The following TDRD3 variants were observed in gnomAD, a reference collection of about 807,000 sequenced individuals.
TDRD3 encodes tudor domain containing 3.
TDRD3 carries 45 observed loss-of-function variants against 86.7 expected under a neutral mutation model. The observed-to-expected ratio is 0.52, with a 90% CI of 0.41 to 0.67. TDRD3 has a LOEUF of 0.67. TDRD3 is among the 30% of genes least tolerant of loss of function. TDRD3 has a pLI of 0.00. For synonymous variants in TDRD3, 298 were observed against 301.7 expected (o/e 0.99, Z 0.13); for missense variants, 814 against 889.0 (o/e 0.92, Z 1.07).
intron 3 of TDRD3, among the ~76,000 whole-genome samples, chr13:60,459,107 T>G (rs1411780457): frequency 6.6e-6 from 1 of 152,236 alleles, no homozygotes; most frequent in Non-Finnish European, 1.5e-5. Context: ...ATAACAAAAT[T>G]ACTCCTTTTT....
rs114150664 is a variant in TDRD3 at position 60,484,284 on chromosome 13, T to C, written c.567+438T>C. Among the ~76,000 whole-genome samples the C allele has an allele frequency of 4.5e-3, 687 of 152,280 alleles. 5 individuals carry two copies. Among genetic ancestry groups the C allele is most frequent in the African/African-American group, 0.016 (664 of 41,566 alleles). On this transcript the variant is annotated intron_variant, in intron 6 of 13. Transcript: ENST00000377881. The stretch of plus-strand genomic sequence containing the variant: ...CTGACCAGTATCTTGTGACTTCACT[T>C]GTCTTCAGCATCAAATTGATTCTCA...
At chr13:60,434,245 G>A (rs930393665) in intron 1 of TDRD3, among the ~76,000 whole-genome samples, 6 of 151,986 alleles carry the variant, frequency 3.9e-5, no homozygotes, top group African/African-American at 1.4e-4. Context: ...CGAGGTGGGC[G>A]GATTGTTGGA....
chr13:60,526,539 G>A (rs994087884), intron 10 of TDRD3, among the ~76,000 whole-genome samples: 1 of 149,982 alleles, frequency 6.7e-6, no homozygotes, highest in Non-Finnish European at 1.5e-5. Flanking sequence ...TCTCTCTAAA[G>A]AAAAATTTAA....
chr13:60,528,224 G>A (rs1258955562), intron 10 of TDRD3, 143 bp from the exon 11 acceptor site: 5 of 926,246 alleles, frequency 5.4e-6, no homozygotes, highest in African/African-American at 3.4e-5. Flanking sequence ...CAAAGAAGGA[G>A]TAAGATAATG....
At chr13:60,430,646 A>G (rs897020022) in intron 1 of TDRD3, among the ~76,000 whole-genome samples, 2 of 152,150 alleles carry the variant, frequency 1.3e-5, no homozygotes, top group Admixed American at 6.6e-5. Flanking sequence ...CAACATAGTT[A>G]GGTTACCATT....
At chr13:60,493,743 G>A (rs1234016657) in intron 7 of TDRD3, among the ~76,000 whole-genome samples, 1 of 152,162 alleles carries the variant, frequency 6.6e-6, no homozygotes, top group Non-Finnish European at 1.5e-5. Flanking sequence ...ATGCTTTTCA[G>A]TTATGAAGTT....
At chr13:60,525,110 C>A (rs112596081) in intron 10 of TDRD3, among the ~76,000 whole-genome samples, 7,191 of 103,854 alleles carry the variant, frequency 0.069, 247 homozygotes, top group Non-Finnish European at 0.098. Context: ...AAAAAAAAAA[C>A]CCCACAATTT....
At chr13:60,463,570 A>T (rs187086803) in intron 4 of TDRD3, among the ~76,000 whole-genome samples, 52 of 152,252 alleles carry the variant, frequency 3.4e-4, no homozygotes. Context: ...CAAAGTGAGG[A>T]GACTACCTAC....
chr13:60,460,572 C>T (rs1447065037), intron 4 of TDRD3, 32 bp downstream of exon 4: 4 of 1,509,034 alleles, frequency 2.7e-6, no homozygotes, highest in African/African-American at 2.9e-5. Context: ...GTATTTGTTA[C>T]AGAATGTTGA....
At chr13:60,515,067 A>G (rs1202517955) in intron 10 of TDRD3, among the ~76,000 whole-genome samples, 1 of 152,244 alleles carries the variant, frequency 6.6e-6, no homozygotes, top group African/African-American at 2.4e-5. Flanking sequence ...CTAAAGGGAC[A>G]TAGGAATGCT....
chr13:60,430,735 A>T (rs575923724), intron 1 of TDRD3, among the ~76,000 whole-genome samples: 3 of 152,162 alleles, frequency 2.0e-5, no homozygotes, highest in African/African-American at 7.2e-5. Context: ...AGCTGTTACA[A>T]TTTTTTTAAT....
intron 12 of TDRD3, among the ~76,000 whole-genome samples, chr13:60,545,683 A>T (rs999640347): frequency 6.6e-6 from 1 of 152,082 alleles, no homozygotes; most frequent in Non-Finnish European, 1.5e-5. Flanking sequence ...GATAATATAA[A>T]TATTATTATT....
intron 1 of TDRD3, among the ~76,000 whole-genome samples, chr13:60,400,898 C>T (rs1954077559): frequency 6.6e-6 from 1 of 152,092 alleles, no homozygotes; most frequent in African/African-American, 2.4e-5. Context: ...AATAAAGATT[C>T]AGTACTCATT....
Position 60,461,250 on chromosome 13 carries a change from A to G in TDRD3, c.353+710A>G, listed in dbSNP as rs193183957. Among the ~76,000 whole-genome samples, 52 of 152,144 alleles carry G rather than the reference A, an allele frequency of 3.4e-4. 1 individual carries two copies. Among genetic ancestry groups the G allele is most frequent in the Middle Eastern group, 6.8e-3 (2 of 294 alleles). The stretch of plus-strand genomic sequence containing the variant: ...CTTGCAGAGTTTTATAGGCTAATAA[A>G]TTTTCCTAGGAAATGATTGAAGTCA... On this transcript the variant is annotated intron_variant, in intron 4 of 13. Coordinates refer to ENST00000377881, the MANE Select transcript of TDRD3 (RefSeq NM_001146070.2).
chr13:60,461,965 T>C (rs1955812914), intron 4 of TDRD3, among the ~76,000 whole-genome samples: 2 of 152,166 alleles, frequency 1.3e-5, no homozygotes, highest in Admixed American at 1.3e-4. Context: ...ATGTGGTAGG[T>C]TGAGGCCTTG....
At chr13:60,493,197 C>T (rs573047723) in intron 7 of TDRD3, among the ~76,000 whole-genome samples, 3 of 151,814 alleles carry the variant, frequency 2.0e-5, no homozygotes, top group Admixed American at 6.5e-5. Flanking sequence ...GGATTACAGG[C>T]GTGAGCCACC....
intron 13 of TDRD3, among the ~76,000 whole-genome samples, chr13:60,568,960 T>C (rs1165864835): frequency 1.3e-5 from 2 of 151,362 alleles, no homozygotes; most frequent in African/African-American, 4.9e-5. Flanking sequence ...CAATTGTTTT[T>C]TTTCCCCCCT....
chr13:60,468,409 GTACTTGTTTCCTTAT>G (rs2038624896), intron 5 of TDRD3, among the ~76,000 whole-genome samples: 1 of 152,082 alleles, frequency 6.6e-6, no homozygotes, highest in Non-Finnish European at 1.5e-5. Context: ...TCAAGGTGAA[GTACTTGTTTCCTTAT>G]TGAATTCTTT....
intron 3 of TDRD3, among the ~76,000 whole-genome samples, chr13:60,449,930 C>G (rs1050619057): frequency 6.6e-6 from 1 of 151,952 alleles, no homozygotes; most frequent in African/African-American, 2.4e-5. Flanking sequence ...CCCTCTTGAT[C>G]TTTTTTGGCA....
Sources: gnomAD v4.1 joint callset for allele counts (sites outside exome capture counted in the v4.1 genomes callset) on GRCh38, gnomAD v4.1.1 for gene constraint, MANE v1.5 for transcripts, NCBI Gene and HGNC (gene_info 2026-07-23, HGNC 2026-07-21) for gene names.